The following SUGCT variants were observed in gnomAD, a reference collection of about 807,000 sequenced individuals.
SUGCT encodes the protein succinyl-CoA:glutarate-CoA transferase, also known as succinyl-CoA:glutarate CoA-transferase.
A neutral mutation model predicts 55.0 loss-of-function variants in SUGCT; 41 were observed. The observed-to-expected ratio is 0.74, with a 90% confidence interval of 0.58 to 0.97. The LOEUF is 0.97. SUGCT is among the 50% of genes least tolerant of loss of function. The pLI is 0.00. For missense variants in SUGCT, 568 were observed against 547.8 expected (o/e 1.04, Z -0.37); for synonymous variants, 187 against 200.4 (o/e 0.93, Z 0.56).
the SUGCT span, among the ~76,000 whole-genome samples, chr7:40,936,260 T>G: frequency 7.3e-6 from 1 of 136,186 alleles, no homozygotes. Flanking sequence ...ATTACTAATT[T>G]AATCTCCTTA....
chr7:40,313,211 G>A (rs1021000253), intron 8 of SUGCT, among the ~76,000 whole-genome samples: 11 of 152,074 alleles, frequency 7.2e-5, no homozygotes, highest in African/African-American at 2.7e-4. Context: ...CCATAAAAAG[G>A]CAACATTCTG....
chr7:41,017,033 C>A, the SUGCT span, among the ~76,000 whole-genome samples: 1 of 152,170 alleles, frequency 6.6e-6, no homozygotes, highest in Non-Finnish European at 1.5e-5. Flanking sequence ...TCCTTAGAAT[C>A]CTTTGGTCTT....
intron 12 of SUGCT, among the ~76,000 whole-genome samples, chr7:40,677,686 A>G (rs1784065488): frequency 6.6e-6 from 1 of 152,222 alleles, no homozygotes; most frequent in African/African-American, 2.4e-5. Flanking sequence ...AAGAACGTTC[A>G]TATCTTGCTT....
chr7:40,843,757 A>G (rs1271708555), intron 13 of SUGCT, among the ~76,000 whole-genome samples: 2 of 152,018 alleles, frequency 1.3e-5, no homozygotes, highest in African/African-American at 2.4e-5. Context: ...AGAGGAGTGG[A>G]TTATGTAGAA....
At chr7:40,359,313 T>C (rs2151217625) in intron 9 of SUGCT, among the ~76,000 whole-genome samples, 1 of 152,334 alleles carries the variant, frequency 6.6e-6, no homozygotes, top group South Asian at 2.1e-4. Flanking sequence ...CAAGCCATTC[T>C]CCTGTCTAAG....
chr7:40,903,776 C>T, the SUGCT span, among the ~76,000 whole-genome samples: 2 of 152,014 alleles, frequency 1.3e-5, no homozygotes, highest in Admixed American at 1.3e-4. Context: ...CAAATGTTAC[C>T]TTACATCCTC....
chr7:40,547,628 A>G (rs995135458), intron 12 of SUGCT, among the ~76,000 whole-genome samples: 4 of 152,318 alleles, frequency 2.6e-5, no homozygotes, highest in Admixed American at 6.5e-5. Context: ...AATGCATACT[A>G]TAAAAATGCA....
intron 12 of SUGCT, among the ~76,000 whole-genome samples, chr7:40,688,727 A>C (rs1273179199): frequency 1.3e-5 from 2 of 151,948 alleles, no homozygotes; most frequent in Non-Finnish European, 2.9e-5. Context: ...CTTTTGAAAA[A>C]TGTTTCTCTG....
chr7:40,432,513 C>G (rs1018009459), intron 9 of SUGCT, among the ~76,000 whole-genome samples: 2 of 151,792 alleles, frequency 1.3e-5, no homozygotes, highest in Non-Finnish European at 2.9e-5. Flanking sequence ...TGGTGAAATC[C>G]CATCTCTACT....
chr7:40,887,130 G>T, the SUGCT span, among the ~76,000 whole-genome samples: 5 of 152,172 alleles, frequency 3.3e-5, no homozygotes, highest in African/African-American at 9.7e-5. Context: ...TGGAAGAGTG[G>T]CATGTAGTGA....
chr7:40,897,287 T>C, the SUGCT span, among the ~76,000 whole-genome samples: 447 of 152,296 alleles, frequency 2.9e-3, 5 homozygotes, highest in Non-Finnish European at 5.2e-3. Context: ...CTTCTTGACA[T>C]TGGGCAAAGA....
At chr7:40,865,345 C>T (rs1794560954), downstream of SUGCT, among the ~76,000 whole-genome samples, 1 of 152,148 alleles carries the variant, frequency 6.6e-6, no homozygotes, top group Non-Finnish European at 1.5e-5. Context: ...ACTTCACCCC[C>T]ACAAGCAGTC....
chr7:40,764,862 C>A (rs1788699985), intron 13 of SUGCT, among the ~76,000 whole-genome samples: 1 of 152,148 alleles, frequency 6.6e-6, no homozygotes, highest in African/African-American at 2.4e-5. Flanking sequence ...ACACACAGTT[C>A]TTCCAAGCAT....
chr7:40,832,380 A>G (rs1446999879), intron 13 of SUGCT, among the ~76,000 whole-genome samples: 2 of 152,160 alleles, frequency 1.3e-5, no homozygotes, highest in Non-Finnish European at 2.9e-5. Flanking sequence ...ACTGTGTCCC[A>G]TTTAATGTTG....
chr7:40,940,706 C>T, the SUGCT span, among the ~76,000 whole-genome samples: 1 of 151,996 alleles, frequency 6.6e-6, no homozygotes, highest in East Asian at 1.9e-4. Context: ...TATAGCCATG[C>T]TACTGGTTTG....
chr7:40,367,240 T>G lies in SUGCT; in HGVS notation c.816+50385T>G, dbSNP rs767813470. Among the ~76,000 whole-genome samples the G allele has an allele frequency of 8.1e-3, 949 of 117,788 alleles. 5 individuals carry two copies. Among genetic ancestry groups the G allele is most frequent in the South Asian group, 0.026 (91 of 3,548 alleles). The allele number at this position is 117,788 out of a possible 152,430, so 77.3% of individuals were successfully genotyped here. ...TGAGAACACATGGACACAGGAAGGGTAACATCACACTCCGGGGACTGTTGT... is the reference window on the plus strand; with the variant it reads ...TGAGAACACATGGACACAGGAAGGGGAACATCACACTCCGGGGACTGTTGT... On this transcript the variant is annotated intron_variant, in intron 9 of 13. Transcript: ENST00000335693.
At chr7:40,229,638 C>T (rs1414992658) in intron 6 of SUGCT, among the ~76,000 whole-genome samples, 1 of 151,290 alleles carries the variant, frequency 6.6e-6, no homozygotes. Context: ...CATGGTGAAA[C>T]CTCATCTCTA....
chr7:40,673,074 A>G (rs1802022303), intron 12 of SUGCT, among the ~76,000 whole-genome samples: 1 of 152,218 alleles, frequency 6.6e-6, no homozygotes, highest in Admixed American at 6.5e-5. Context: ...TTAGATCTCT[A>G]TCAATATCAG....
At chr7:40,570,224 A>C (rs1165621496) in intron 12 of SUGCT, among the ~76,000 whole-genome samples, 1 of 152,258 alleles carries the variant, frequency 6.6e-6, no homozygotes, top group Non-Finnish European at 1.5e-5. Context: ...TAGTGAGAAC[A>C]TACTAAAGAT....
Sources: gnomAD v4.1 joint callset for allele counts (sites outside exome capture counted in the v4.1 genomes callset) on GRCh38, gnomAD v4.1.1 for gene constraint, MANE v1.5 for transcripts, NCBI Gene and HGNC (gene_info 2026-07-23, HGNC 2026-07-21) for gene names.